The following WWOX variants were observed in gnomAD, a reference collection of about 807,000 sequenced individuals.
The protein encoded by WWOX is WW domain containing oxidoreductase.
WWOX carries 69 observed loss-of-function variants against 46.2 expected under a neutral mutation model. The ratio of observed to expected loss-of-function variants is 1.49; its 90% CI spans 1.23 to 1.82. The LOEUF (loss-of-function observed/expected upper bound fraction) is 1.82, where lower values mean the gene tolerates loss of function less well. Among genes scored for constraint, WWOX ranks in the 40% most tolerant of loss-of-function variants. The probability of loss-of-function intolerance (pLI) is 0.00; values close to 1 mark genes in which losing one functional copy is unlikely to be tolerated. For synonymous variants in WWOX, 359 were observed against 202.6 expected (o/e 1.77, Z -6.56); for missense variants, 919 against 542.6 (o/e 1.69, Z -6.89).
Position 78,223,445 on chromosome 16 carries a change from C to G in WWOX, c.516+59156C>G, listed in dbSNP as rs145461349. Among the ~76,000 whole-genome samples, 51 of 152,172 alleles carry G rather than the reference C, an allele frequency of 3.4e-4. No individual in the cohort carries two copies. The East Asian group carries it at 8.3e-3, about 25-fold the overall frequency. On this transcript the variant is annotated intron_variant, in intron 5 of 8. Coordinates refer to ENST00000566780, the MANE Select transcript of WWOX (RefSeq NM_016373.4). ...AGCACTAATAGGTCAGAGAAGAATG[C>G]CAGGGATGTGTTGATGGGTCTGCAA...
rs138336072 is a variant in WWOX, at chr16:79,030,488, T to A, written c.1057-181120T>A. The stretch of plus-strand genomic sequence containing the variant: ...CCCATTAGCAGTGATGGCTTAAGGT[T>A]CCCACAGAAACTCTGCCACAGAGGC... On this transcript the variant is annotated intron_variant, in intron 8 of 8. Coordinates refer to ENST00000566780, the MANE Select transcript of WWOX (RefSeq NM_016373.4). 3.3e-4 allele frequency among the ~76,000 whole-genome samples: 51 copies of A among 152,308 alleles called. 1 individual carries two copies. In the East Asian group the frequency reaches 9.5e-3, roughly 28 times the overall value.
chr16:78,100,016 T>G (rs1401849918), intron 1 of WWOX, 131 bp downstream of exon 1: 1 of 1,473,320 alleles, frequency 6.8e-7, no homozygotes, highest in Non-Finnish European at 9.0e-7. Flanking sequence ...GTTAAGGAGC[T>G]TCAGGGAAAA....
chr16:78,323,216 C>T (rs60332746), intron 5 of WWOX, among the ~76,000 whole-genome samples: 21,139 of 152,072 alleles, frequency 0.14, 1,686 homozygotes, highest in East Asian at 0.35. Context: ...ACGCCATTCT[C>T]CTGCCTCAGC....
At chr16:78,987,856 C>G (rs149198491) in intron 8 of WWOX, among the ~76,000 whole-genome samples, 1 of 152,286 alleles carries the variant, frequency 6.6e-6, no homozygotes, top group African/African-American at 2.4e-5. Flanking sequence ...AACAGTGAAT[C>G]AGCCCTGTGG....
At chr16:79,100,773 T>C (rs897381434) in intron 8 of WWOX, among the ~76,000 whole-genome samples, 1 of 152,076 alleles carries the variant, frequency 6.6e-6, no homozygotes, top group Non-Finnish European at 1.5e-5. Context: ...CTTGCAGAAA[T>C]AGGCCTTCTT....
At chr16:78,679,717 A>T (rs929296015) in intron 8 of WWOX, among the ~76,000 whole-genome samples, 1 of 152,222 alleles carries the variant, frequency 6.6e-6, no homozygotes. Context: ...CCTTATTTTT[A>T]AGTGGAAAAT....
intron 8 of WWOX, among the ~76,000 whole-genome samples, chr16:78,652,408 C>CAAAAAA (rs747993811): frequency 2.5e-3 from 269 of 106,534 alleles, no homozygotes; most frequent in African/African-American, 5.3e-3. Context: ...GACTCCGTCT[C>CAAAAAA]AAAAAAAAAA....
intron 5 of WWOX, among the ~76,000 whole-genome samples, chr16:78,178,420 A>G (rs1387262600): frequency 2.6e-5 from 4 of 152,202 alleles, no homozygotes; most frequent in Non-Finnish European, 4.4e-5. Context: ...CTACGCTTTT[A>G]TTCTAGAGCG....
At chr16:78,111,024 G>C (rs939599978) in intron 3 of WWOX, among the ~76,000 whole-genome samples, 1 of 150,794 alleles carries the variant, frequency 6.6e-6, no homozygotes, top group South Asian at 2.1e-4. Context: ...TTTTTTTAAA[G>C]TTATGAATGT....
At chr16:78,956,102 A>T (rs947500824) in intron 8 of WWOX, among the ~76,000 whole-genome samples, 1 of 152,074 alleles carries the variant, frequency 6.6e-6, no homozygotes, top group African/African-American at 2.4e-5. Flanking sequence ...GCCCTGGCTC[A>T]CTATCTACAT....
At chr16:79,104,365 T>G (rs1026750650) in intron 8 of WWOX, among the ~76,000 whole-genome samples, 18 of 152,330 alleles carry the variant, frequency 1.2e-4, no homozygotes, top group Middle Eastern at 3.4e-3. Context: ...TGAAAACTCA[T>G]AAGCATACAT....
At chr16:78,368,352 C>G (rs1480269694) in intron 5 of WWOX, among the ~76,000 whole-genome samples, 1 of 152,166 alleles carries the variant, frequency 6.6e-6, no homozygotes, top group South Asian at 2.1e-4. Context: ...CACAATTTCC[C>G]CACATGCCCT....
chr16:79,203,039 A>G (rs2051393698), intron 8 of WWOX: 1 of 152,212 alleles, frequency 6.6e-6, no homozygotes, highest in Admixed American at 6.5e-5. Context: ...AATGCTCACT[A>G]ACACCGAGGC....
rs771301969 is a variant in WWOX, at chr16:78,115,027, G to A, written c.282G>A (p.Val94=). Residue 94 remains valine, a synonymous_variant, in exon 4 of 9, where the codon GTG becomes GTA. Coordinates refer to ENST00000566780, the MANE Select transcript of WWOX (RefSeq NM_016373.4). ...TYLDPRLAFT[V]DDNPTKPTTR... ...TGGACCCAAGACTGGCGTTTACTGT[G>A]GATGATAATCCGACCAAGCCAACCA... 1.2e-6 allele frequency: 2 copies of A among 1,614,184 alleles called. No homozygotes were observed. Among genetic ancestry groups the A allele is most frequent in the East Asian group, 4.5e-5 (2 of 44,880 alleles).
chr16:78,777,583 C>G (rs1200266196), intron 8 of WWOX, among the ~76,000 whole-genome samples: 1 of 152,018 alleles, frequency 6.6e-6, no homozygotes, highest in Non-Finnish European at 1.5e-5. Context: ...GTATAATAAG[C>G]ATTAACACAG....
At position 78,687,972 on chromosome 16, in the gene WWOX, A is replaced by G. The variant is rs560330364; in HGVS notation, c.1056+255220A>G. 2.0e-5 allele frequency among the ~76,000 whole-genome samples: 3 copies of G among 152,328 alleles called. No individual in the cohort carries two copies. The East Asian group carries it at 5.8e-4, about 29-fold the overall frequency. ...CAAGTGAGGTCAGATCTAGTGTGGTACAAATGAACTTGCTACTTGGTTTGC... is the reference window on the plus strand; with the variant it reads ...CAAGTGAGGTCAGATCTAGTGTGGTGCAAATGAACTTGCTACTTGGTTTGC... On this transcript the variant is annotated intron_variant, in intron 8 of 8. Coordinates refer to ENST00000566780, the MANE Select transcript of WWOX (RefSeq NM_016373.4).
intron 8 of WWOX, among the ~76,000 whole-genome samples, chr16:78,468,711 C>T (rs1487817961): frequency 2.0e-5 from 3 of 152,160 alleles, no homozygotes; most frequent in Non-Finnish European, 4.4e-5. Flanking sequence ...GTTTTCCTGT[C>T]TGCAAAGGAG....
Position 78,723,826 on chromosome 16 carries a change from A to G in WWOX, c.1056+291074A>G, listed in dbSNP as rs764673031. The stretch of plus-strand genomic sequence containing the variant: ...ATCACTCAGACTAAGCAGTTGATGT[A>G]ACAGATAACCCCCAAATTTCAGTGA... On this transcript the variant is annotated intron_variant, in intron 8 of 8. Coordinates refer to ENST00000566780, the MANE Select transcript of WWOX (RefSeq NM_016373.4). Among the ~76,000 whole-genome samples the G allele has an allele frequency of 3.9e-4, 60 of 152,144 alleles. 1 individual carries two copies. The highest frequency in any genetic ancestry group is 6.3e-4 in the Non-Finnish European group (43 of 68,012).
At chr16:78,990,597 G>A (rs2046867701) in intron 8 of WWOX, among the ~76,000 whole-genome samples, 2 of 152,096 alleles carry the variant, frequency 1.3e-5, no homozygotes, top group African/African-American at 2.4e-5. Context: ...CACCACCCAA[G>A]TTGTAAGATG....
Sources: gnomAD v4.1 joint callset for allele counts (sites outside exome capture counted in the v4.1 genomes callset) on GRCh38, gnomAD v4.1.1 for gene constraint, MANE v1.5 for transcripts, NCBI Gene and HGNC (gene_info 2026-07-23, HGNC 2026-07-21) for gene names.